The following DNAH5 variants were observed in gnomAD, a reference collection of about 807,000 sequenced individuals.
DNAH5 encodes dynein axonemal heavy chain 5, also known as axonemal beta dynein heavy chain 5.
In DNAH5, 372 loss-of-function variants were observed where a neutral mutation model predicts 518.2. The observed-to-expected ratio is 0.72, with a 90% CI of 0.66 to 0.78. The LOEUF is 0.78. Among genes scored for constraint, DNAH5 ranks in the 30% least tolerant of loss-of-function variants. DNAH5 has a pLI of 0.00. For missense variants in DNAH5, 5,523 were observed against 5,687.0 expected (o/e 0.97, Z 0.93); for synonymous variants, 2,039 against 2,025.9 (o/e 1.01, Z -0.17).
intron 1 of DNAH5, among the ~76,000 whole-genome samples, chr5:13,950,417 C>T (rs779506002): frequency 3.9e-5 from 6 of 152,128 alleles, no homozygotes; most frequent in Non-Finnish European, 8.8e-5. Flanking sequence ...GCCGGGATTA[C>T]AGGCATGCGC....
chr5:13,867,085 C>T (rs993700836), intron 25 of DNAH5, among the ~76,000 whole-genome samples: 2 of 152,216 alleles, frequency 1.3e-5, no homozygotes, highest in African/African-American at 4.8e-5. Flanking sequence ...ATTATAACTG[C>T]ATGCGAATAG....
intron 54 of DNAH5, among the ~76,000 whole-genome samples, 184 bp from the exon 55 acceptor site, chr5:13,776,890 G>T (rs776582548): frequency 1.0e-3 from 152 of 152,136 alleles, no homozygotes; most frequent in Middle Eastern, 3.2e-3. Context: ...ACTATTAACT[G>T]CAAAGTTGTA....
chr5:13,883,126 A>AT, intron 19 of DNAH5, 32 bp from the exon 20 acceptor site: 3 of 1,606,188 alleles, frequency 1.9e-6, no homozygotes, highest in Non-Finnish European at 2.6e-6. Flanking sequence ...AAGAATTCAC[A>AT]TTTTTAATAC....
intron 1 of DNAH5, among the ~76,000 whole-genome samples, chr5:13,993,782 A>G (rs1581133975): frequency 6.6e-6 from 1 of 152,194 alleles, no homozygotes; most frequent in South Asian, 2.1e-4. Context: ...AATTGGTTGT[A>G]ATGTGCTGGC....
At chr5:14,000,029 C>T (rs932448668) in intron 1 of DNAH5, among the ~76,000 whole-genome samples, 17 of 152,122 alleles carry the variant, frequency 1.1e-4, no homozygotes, top group African/African-American at 3.9e-4. Flanking sequence ...AATACTGTTA[C>T]GGGTTGAACT....
At chr5:13,946,988 A>T (rs1456359561), upstream of DNAH5, among the ~76,000 whole-genome samples, 1 of 152,266 alleles carries the variant, frequency 6.6e-6, no homozygotes, top group East Asian at 1.9e-4. Context: ...ATGAAAAAAT[A>T]ATGCTGCCTA....
intron 2 of DNAH5, among the ~76,000 whole-genome samples, chr5:13,930,477 C>CT (rs1221742891): frequency 6.6e-6 from 1 of 152,042 alleles, no homozygotes; most frequent in Non-Finnish European, 1.5e-5. Flanking sequence ...TGTCTTCTTT[C>CT]TTTTTTTTCC....
At chr5:13,716,908 C>G (rs1319749474) in intron 73 of DNAH5, among the ~76,000 whole-genome samples, 1 of 152,138 alleles carries the variant, frequency 6.6e-6, no homozygotes, top group Non-Finnish European at 1.5e-5. Context: ...TTGATGCATT[C>G]GTATGTTTTC....
At chr5:13,786,696 G>T (rs533385231) in intron 51 of DNAH5, among the ~76,000 whole-genome samples, 1 of 152,070 alleles carries the variant, frequency 6.6e-6, no homozygotes, top group Non-Finnish European at 1.5e-5. Context: ...CAGCAAGGGA[G>T]GTCAAGAATT....
chr5:13,949,005 G>GAT (rs1780153584), upstream of DNAH5, among the ~76,000 whole-genome samples: 1 of 152,022 alleles, frequency 6.6e-6, no homozygotes, highest in Admixed American at 6.6e-5. Context: ...AGAAAGAACA[G>GAT]ATAGAACACA....
chr5:13,917,278 A>C, intron 7 of DNAH5, 22 bp from the exon 8 acceptor site: 1 of 1,559,286 alleles, frequency 6.4e-7, no homozygotes, highest in Non-Finnish European at 8.8e-7. Flanking sequence ...AGGGAAAAGC[A>C]ATTTTAATGT....
rs1364611928 is a variant in DNAH5, at chr5:13,896,265, G to A, written c.2260-1444C>T. ...ATACAAAGGACTTGGATAGATGCTT[G>A]TTCTAGAAAGATCTACCCGATTTTG... On this transcript the variant is annotated intron_variant, in intron 15 of 78. Transcript: ENST00000265104. Among the ~76,000 whole-genome samples, 6 of 152,070 alleles carry A rather than the reference G, an allele frequency of 3.9e-5. No individual in the cohort carries two copies. In the East Asian group the frequency reaches 9.8e-4, roughly 25 times the overall value.
At chr5:13,898,017 T>A (rs1216874549) in intron 15 of DNAH5, 1 of 152,256 alleles carries the variant, frequency 6.6e-6, no homozygotes, top group Non-Finnish European at 1.5e-5. Flanking sequence ...GAAGGCCATG[T>A]ATAGATGTGC....
At chr5:13,909,806 G>A (rs10065877) in intron 12 of DNAH5, among the ~76,000 whole-genome samples, 6,903 of 152,164 alleles carry the variant, frequency 0.045, 204 homozygotes, top group African/African-American at 0.081. Flanking sequence ...TGAGCTGCGA[G>A]GGCATATCTA....
chr5:13,898,955 C>T (rs868443168), intron 15 of DNAH5: 4 of 187,984 alleles, frequency 2.1e-5, no homozygotes, highest in Admixed American at 6.2e-5. Flanking sequence ...TTTTTTGAGA[C>T]GGATCTCGCT....
chr5:13,811,133 T>A (rs2127022662), intron 44 of DNAH5, among the ~76,000 whole-genome samples: 1 of 152,120 alleles, frequency 6.6e-6, no homozygotes, highest in South Asian at 2.1e-4. Flanking sequence ...GGTGCAAAAA[T>A]ACACAGTGAT....
Position 13,836,142 on chromosome 5 carries a change from A to T in DNAH5, c.5882+3214T>A, listed in dbSNP as rs1281240625. 2.0e-5 allele frequency among the ~76,000 whole-genome samples: 3 copies of T among 152,208 alleles called. No homozygotes were observed. In the East Asian group the frequency reaches 5.8e-4, roughly 29 times the overall value. ...ACTTACTATCACACTTCCCCCCAGC[A>T]TTCTGATAAAATGGAATGGCCAACT... On this transcript the variant is annotated intron_variant, in intron 35 of 78. Coordinates refer to ENST00000265104, the MANE Select transcript of DNAH5 (RefSeq NM_001369.3).
intron 14 of DNAH5, 135 bp downstream of exon 14, chr5:13,901,115 CTG>C: frequency 1.1e-6 from 1 of 876,886 alleles, no homozygotes; most frequent in Non-Finnish European, 1.8e-6. Flanking sequence ...ATATTACACT[CTG>C]AACGCTTAGA....
intron 68 of DNAH5, among the ~76,000 whole-genome samples, chr5:13,733,414 A>G (rs1269910979): frequency 6.6e-6 from 1 of 152,202 alleles, no homozygotes; most frequent in African/African-American, 2.4e-5. Context: ...AGGAACAACA[A>G]TCCATTGAAA....
Sources: gnomAD v4.1 joint callset for allele counts (sites outside exome capture counted in the v4.1 genomes callset) on GRCh38, gnomAD v4.1.1 for gene constraint, MANE v1.5 for transcripts, NCBI Gene and HGNC (gene_info 2026-07-23, HGNC 2026-07-21) for gene names.